Variants in RNF150 observed in about 807,000 individuals in gnomAD.
RNF150 encodes ring finger protein 150.
A neutral mutation model predicts 39.3 loss-of-function variants in RNF150; 24 were observed. The ratio of observed to expected loss-of-function variants is 0.61; its 90% confidence interval spans 0.44 to 0.86. The LOEUF (loss-of-function observed/expected upper bound fraction) is 0.86. Among genes scored for constraint, RNF150 ranks in the 40% least tolerant of loss-of-function variants. The probability of loss-of-function intolerance (pLI) is 0.00; values close to 1 mark genes in which losing one functional copy is unlikely to be tolerated. For synonymous variants in RNF150, 255 were observed against 227.3 expected (o/e 1.12, Z -1.10); for missense variants, 502 against 587.8 (o/e 0.85, Z 1.51).
At chr4:141,071,696 G>A (rs1406869856) in intron 1 of RNF150, among the ~76,000 whole-genome samples, 1 of 152,104 alleles carries the variant, frequency 6.6e-6, no homozygotes, top group Non-Finnish European at 1.5e-5. Context: ...AAGAGGCACT[G>A]GGATAATTTT....
At chr4:140,873,647 T>A (rs7670948) in intron 6 of RNF150, among the ~76,000 whole-genome samples, 6,939 of 152,126 alleles carry the variant, frequency 0.046, 545 homozygotes, top group African/African-American at 0.16. Flanking sequence ...TGTTACAGAG[T>A]GTCTGATTAG....
chr4:141,197,144 A>T (rs550150935), intron 1 of RNF150, among the ~76,000 whole-genome samples: 3 of 152,278 alleles, frequency 2.0e-5, no homozygotes, highest in African/African-American at 4.8e-5. Context: ...CCAGGCTGAA[A>T]TTTTTATTTT....
At chr4:141,037,002 C>T (rs1736173064) in intron 1 of RNF150, among the ~76,000 whole-genome samples, 1 of 152,152 alleles carries the variant, frequency 6.6e-6, no homozygotes, top group Admixed American at 6.6e-5. Context: ...CTTTCACCCT[C>T]TTACTCCCTT....
At chr4:141,174,365 A>G (rs533539649) in intron 1 of RNF150, among the ~76,000 whole-genome samples, 1 of 152,302 alleles carries the variant, frequency 6.6e-6, no homozygotes, top group East Asian at 1.9e-4. Flanking sequence ...GCAGTAAGAC[A>G]CAGAGGCCCA....
intron 4 of RNF150, among the ~76,000 whole-genome samples, chr4:140,942,137 G>T (rs1404705833): frequency 6.6e-6 from 1 of 151,948 alleles, no homozygotes; most frequent in Non-Finnish European, 1.5e-5. Context: ...TGATTAGAAA[G>T]GTAAATTTTA....
intron 1 of RNF150, among the ~76,000 whole-genome samples, chr4:141,078,306 TC>T (rs973403900): frequency 6.6e-6 from 1 of 152,012 alleles, no homozygotes; most frequent in Non-Finnish European, 1.5e-5. Context: ...TTTTCTCTCT[TC>T]CCCTCTTCTT....
intron 1 of RNF150, among the ~76,000 whole-genome samples, chr4:141,204,856 T>A (rs1392832154): frequency 1.3e-5 from 2 of 152,232 alleles, no homozygotes; most frequent in African/African-American, 4.8e-5. Flanking sequence ...TATCTCAGCA[T>A]AACTGCAATC....
In RNF150 at chr4:140,999,953, A is replaced by C. The variant is rs570999605; in HGVS notation, c.485-32080T>G. On this transcript the variant is annotated intron_variant, in intron 1 of 6. Transcript: ENST00000515673. ...ACTTGGTCTCAAAAAAAGAAGAAGAAGAAGAAGAAGAAGAAGAAGAAGAAA... is the reference window on the plus strand; with the variant it reads ...ACTTGGTCTCAAAAAAAGAAGAAGACGAAGAAGAAGAAGAAGAAGAAGAAA... 5.5e-4 allele frequency among the ~76,000 whole-genome samples: 21 copies of C among 37,958 alleles called. 1 individual carries two copies. The Admixed American group carries it at 8.8e-3, about 16-fold the overall frequency. The allele number at this position is 37,958 out of a possible 152,430, so 24.9% of individuals were successfully genotyped here. A position where few individuals can be genotyped will look rare whatever the true frequency, so the allele number is the denominator to read the frequency against.
At chr4:141,022,618 C>G (rs577555675) in intron 1 of RNF150, among the ~76,000 whole-genome samples, 1 of 152,200 alleles carries the variant, frequency 6.6e-6, no homozygotes, top group Non-Finnish European at 1.5e-5. Context: ...GCATTTTCCT[C>G]ATTCTAACAC....
At position 141,158,259 on chromosome 4, in the gene RNF150, C is replaced by T. The variant is rs574243061; in HGVS notation, c.-6+54535G>A. 9.2e-5 allele frequency among the ~76,000 whole-genome samples: 14 copies of T among 152,272 alleles called. No individual in the cohort carries two copies. The South Asian group carries it at 2.9e-3, about 32-fold the overall frequency. ...TGAGCAAAGATAGTGCCACTGCACT[C>T]CAGCCTGAGTGACAGAGCAAAATTC... On this transcript the variant is annotated intron_variant, in intron 1 of 7. Coordinates refer to the RNF150 transcript ENST00000420921.
At chr4:141,188,598 G>C (rs1481725628) in intron 1 of RNF150, among the ~76,000 whole-genome samples, 1 of 151,722 alleles carries the variant, frequency 6.6e-6, no homozygotes, top group African/African-American at 2.4e-5. Flanking sequence ...TCATTAAGTT[G>C]ATCTTCGATC....
At chr4:141,114,922 G>A (rs192584739) in intron 1 of RNF150, among the ~76,000 whole-genome samples, 1 of 152,164 alleles carries the variant, frequency 6.6e-6, no homozygotes, top group African/African-American at 2.4e-5. Flanking sequence ...TGCACAAAAG[G>A]CTTTCGATAC....
intron 2 of RNF150, among the ~76,000 whole-genome samples, chr4:140,963,315 T>C (rs1733110685): frequency 3.3e-5 from 5 of 152,068 alleles, no homozygotes; most frequent in Admixed American, 3.3e-4. Context: ...CTACCAATAC[T>C]TTAAGAATCA....
chr4:141,113,535 T>C (rs929634207), intron 1 of RNF150, among the ~76,000 whole-genome samples: 1 of 152,106 alleles, frequency 6.6e-6, no homozygotes, highest in Non-Finnish European at 1.5e-5. Flanking sequence ...CTTGGAGATA[T>C]ACAAAGAGAC....
intron 6 of RNF150, among the ~76,000 whole-genome samples, chr4:140,877,596 CA>C (rs1384026604): frequency 6.6e-6 from 1 of 152,190 alleles, no homozygotes; most frequent in Non-Finnish European, 1.5e-5. Flanking sequence ...ATTAGGTACA[CA>C]GCACTGCTGA....
At chr4:141,126,292 G>A (rs975128020) in intron 1 of RNF150, among the ~76,000 whole-genome samples, 2 of 152,112 alleles carry the variant, frequency 1.3e-5, no homozygotes, top group African/African-American at 2.4e-5. Flanking sequence ...GCTTGGGAAG[G>A]CCCTTAAAGC....
intron 1 of RNF150, among the ~76,000 whole-genome samples, chr4:140,975,077 G>A (rs57901427): frequency 0.011 from 1,721 of 152,114 alleles, 34 homozygotes; most frequent in African/African-American, 0.04. Flanking sequence ...ACAACACGGC[G>A]AAACCCTGCC....
chr4:141,060,268 T>G (rs558135877), intron 1 of RNF150, among the ~76,000 whole-genome samples: 19 of 152,228 alleles, frequency 1.2e-4, no homozygotes, highest in African/African-American at 3.9e-4. Context: ...TAGTGAGACC[T>G]CCATCTCTAC....
At chr4:141,074,493 A>C (rs1211825936) in intron 1 of RNF150, among the ~76,000 whole-genome samples, 3 of 152,120 alleles carry the variant, frequency 2.0e-5, no homozygotes, top group African/African-American at 7.2e-5. Flanking sequence ...CTGAAAAACC[A>C]AACAGAGGAG....
Sources: gnomAD v4.1 joint callset for allele counts (sites outside exome capture counted in the v4.1 genomes callset) on GRCh38, gnomAD v4.1.1 for gene constraint, MANE v1.5 for transcripts, NCBI Gene and HGNC (gene_info 2026-07-23, HGNC 2026-07-21) for gene names.